The following KPTN variants were observed in gnomAD, a reference collection of about 807,000 sequenced individuals.
KPTN encodes KICSTOR complex protein kaptin.
Under a neutral mutation model 52.6 loss-of-function variants are expected in KPTN, and 36 were observed. The observed-to-expected ratio is 0.68, with a 90% CI of 0.52 to 0.90. KPTN has a LOEUF of 0.90. Among genes scored for constraint, KPTN ranks in the 40% least tolerant of loss-of-function variants. The probability of loss-of-function intolerance (pLI) is 0.00; values close to 1 mark genes in which losing one functional copy is unlikely to be tolerated. For missense variants in KPTN, 529 were observed against 576.2 expected (o/e 0.92, Z 0.84); for synonymous variants, 271 against 248.4 (o/e 1.09, Z -0.85).
chr19:47,483,296 G>A lies in KPTN; in HGVS notation c.393C>T (p.Ala131=). ...TCCTCCCGTCCACGCCTCACTCACG[G>A]GCAATAGAGTCAAGGTTGTACTCAG... is the stretch of plus-strand genomic sequence containing the variant. ...PGSEYNLDSI[A]QSCLNLELQF... is the part of the protein sequence containing the mutation. The change falls in exon 3 of 12, where the codon GCC becomes GCT. Residue 131 remains alanine (A), a splice_region_variant and synonymous_variant. Coordinates refer to ENST00000338134, the MANE Select transcript of KPTN (RefSeq NM_007059.4). 1.2e-6 allele frequency: 2 copies of A among 1,614,006 alleles called. No individual in the cohort carries two copies. The highest frequency in any genetic ancestry group is 1.7e-6 in the Non-Finnish European group (2 of 1,179,962).
intron 7 of KPTN, 81 bp from the exon 8 acceptor site, chr19:47,480,021 C>A: frequency 8.5e-7 from 1 of 1,179,026 alleles, no homozygotes; most frequent in Middle Eastern, 2.7e-4. Context: ...TTTCCGCCCC[C>A]ACCGTTCATC....
At chr19:47,476,157 A>C in intron 11 of KPTN, 1 of 153,600 alleles carries the variant, frequency 6.5e-6, no homozygotes, top group Non-Finnish European at 1.4e-5. Context: ...AAAATACAAA[A>C]ATTAGCTGGG....
At chr19:47,477,377 G>A (rs1967708043) in intron 9 of KPTN, among the ~76,000 whole-genome samples, 1 of 152,154 alleles carries the variant, frequency 6.6e-6, no homozygotes, top group African/African-American at 2.4e-5. Context: ...AAGCCACCAT[G>A]GTGGGAGTAT....
At chr19:47,481,735 A>T (rs1967883851) in intron 4 of KPTN, 1 of 152,250 alleles carries the variant, frequency 6.6e-6, no homozygotes, top group Non-Finnish European at 1.5e-5. Context: ...AGTAGTTGTG[A>T]CAGACTGGCC....
intron 8 of KPTN, among the ~76,000 whole-genome samples, chr19:47,479,459 G>A (rs1419814978): frequency 2.6e-5 from 4 of 152,168 alleles, no homozygotes; most frequent in South Asian, 2.1e-4. Flanking sequence ...GAGCATAGCC[G>A]GGAGCTAGAA....
At chr19:47,481,972 G>A (rs1967892817) in intron 4 of KPTN, among the ~76,000 whole-genome samples, 1 of 152,132 alleles carries the variant, frequency 6.6e-6, no homozygotes, top group African/African-American at 2.4e-5. Flanking sequence ...GGCTTCTATC[G>A]TACTGTAGAA....
chr19:47,480,487 CCCCT>C, intron 6 of KPTN, 80 bp from the exon 7 acceptor site: 3 of 1,049,154 alleles, frequency 2.9e-6, no homozygotes, highest in Non-Finnish European at 4.2e-6. Flanking sequence ...GGGGCAGCCG[CCCCT>C]CCCTGTAGCC....
intron 7 of KPTN, 54 bp from the exon 8 acceptor site, chr19:47,479,994 G>T: frequency 7.5e-7 from 1 of 1,339,500 alleles, no homozygotes; most frequent in Non-Finnish European, 1.0e-6. Context: ...CCCGCCCGCA[G>T]CCCTGAAACC....
chr19:47,484,336 C>T, upstream of KPTN: 2 of 758,318 alleles, frequency 2.6e-6, no homozygotes, highest in Non-Finnish European at 4.1e-6. Flanking sequence ...GCTCGGGCCT[C>T]CCAGGCGACT....
upstream of KPTN, chr19:47,484,455 T>TA (rs1303277437): frequency 2.0e-6 from 1 of 505,082 alleles, no homozygotes; most frequent in African/African-American, 2.0e-5. Flanking sequence ...CCTCTCGCTG[T>TA]ATGCTGTGTG....
Position 47,483,321 on chromosome 19 carries a change from G to C in KPTN, c.368C>G (p.Ser123Cys). The change falls in exon 3 of 12, where the codon TCT (serine) becomes TGT (cysteine). Residue 123 changes from serine to cysteine, a missense_variant. Transcript: ENST00000338134. ...LNIYCDYEPG[S>C]EYNLDSIAQS... ...GGCAATAGAGTCAAGGTTGTACTCA[G>C]AGCCGGGCTCGTAGTCGCAGTAAAT... The C allele has an allele frequency of 2.5e-6, 4 of 1,614,082 alleles. No individual in the cohort carries two copies. Among genetic ancestry groups the C allele is most frequent in the East Asian group, 2.2e-5 (1 of 44,876 alleles).
At chr19:47,478,697 T>C (rs1967762980) in intron 8 of KPTN, among the ~76,000 whole-genome samples, 2 of 151,426 alleles carry the variant, frequency 1.3e-5, no homozygotes, top group Non-Finnish European at 2.9e-5. Context: ...GTGGTATATA[T>C]ACACCATGGA....
chr19:47,475,201 G>C lies in KPTN; in HGVS notation c.*215C>G, dbSNP rs1280468196. On this transcript the variant is annotated 3_prime_UTR_variant, in exon 12 of 12. Transcript: ENST00000338134. ...CCATCAGGTGGCCAATTCTCATCCA[G>C]AGTGGACAGGGTGGAATGGGATCAT... 8.4e-6 allele frequency: 4 copies of C among 474,366 alleles called. No homozygotes were observed. The highest frequency in any genetic ancestry group is 2.0e-5 in the African/African-American group (1 of 51,112). 29.4% of individuals were successfully genotyped at this position (474,366 alleles called of 1,614,324 possible).
At position 47,479,804 on chromosome 19, in the gene KPTN, CAG is replaced by C. The variant is rs764370320; in HGVS notation, c.787+57_787+58del. ...ATCTGGGTAGAAGGACCCAAGAATG[CAG>C]AGTTGCCTCTTCCCTCCCACCCGCT... On this transcript the variant is annotated intron_variant, in intron 8 of 11. Coordinates refer to ENST00000338134, the MANE Select transcript of KPTN (RefSeq NM_007059.4). 537 of 1,406,790 alleles carry C rather than the reference CAG, an allele frequency of 3.8e-4. 1 individual carries two copies. The highest frequency in any genetic ancestry group is 5.1e-4 in the Non-Finnish European group (508 of 1,000,768). 87.1% of individuals were successfully genotyped at this position (1,406,790 alleles called of 1,614,324 possible). A position where few individuals can be genotyped will look rare whatever the true frequency, so the allele number is the denominator to read the frequency against.
Position 47,480,304 on chromosome 19 carries a change from T to A in KPTN, c.703A>T (p.Ser235Cys), listed in dbSNP as rs1319900450. ...GCCTCACCGCGGCCCTCACCTCGAC[T>A]CCGCTGGTCCACGTGGGCGACACGG... ...YVRVAHVDQRSREVLQMWSVL... is the reference protein window; with the variant it reads ...YVRVAHVDQRCREVLQMWSVL... The change falls in exon 7 of 12, where the codon AGT becomes TGT. Residue 235 changes from serine to cysteine, a missense_variant. Physicochemically the swap from Ser to Cys is moderately radical, Grantham distance 112. Coordinates refer to ENST00000338134, the MANE Select transcript of KPTN (RefSeq NM_007059.4). The A allele has an allele frequency of 4.5e-6, 6 of 1,343,374 alleles. No homozygotes were observed. The African/African-American group carries it at 6.5e-5, about 14-fold the overall frequency. The allele number at this position is 1,343,374 out of a possible 1,614,324, so 83.2% of individuals were successfully genotyped here.
intron 4 of KPTN, among the ~76,000 whole-genome samples, chr19:47,482,267 T>A (rs1026383900): frequency 6.6e-6 from 1 of 152,090 alleles, no homozygotes; most frequent in Non-Finnish European, 1.5e-5. Context: ...GGCGGGCGGA[T>A]CACCTGAGGT....
chr19:47,481,061 G>C, intron 4 of KPTN, 28 bp from the exon 5 acceptor site: 2 of 1,540,948 alleles, frequency 1.3e-6, no homozygotes, highest in South Asian at 2.4e-5. Flanking sequence ...TAGAACCCAA[G>C]GTAGTGGAAT....
intron 4 of KPTN, among the ~76,000 whole-genome samples, chr19:47,481,320 G>A (rs1280400435): frequency 6.6e-6 from 1 of 152,138 alleles, no homozygotes; most frequent in Non-Finnish European, 1.5e-5. Flanking sequence ...CTTAGAGCCC[G>A]CATCTACTCC....
Position 47,481,010 on chromosome 19 carries a change from T to G in KPTN, c.473A>C (p.Glu158Ala). Residue 158 changes from glutamate (E) to alanine (A), a missense_variant, in exon 5 of 12, where the codon GAG becomes GCG. By Grantham distance (107) the Glu-to-Ala change is moderately radical (BLOSUM62 -1). Transcript: ENST00000338134. ...GTTCCCACTCAAGAGAAACACAGTC[T>G]CAAGTTGATCCCCGACCTGGACCCT... ...HAEVQVGDQL[E>A]TVFLLSGNDP... 1 of 1,589,748 alleles carries G rather than the reference T, an allele frequency of 6.3e-7. No individual in the cohort carries two copies. Among genetic ancestry groups the G allele is most frequent in the Non-Finnish European group, 8.6e-7 (1 of 1,166,974 alleles).
Sources: gnomAD v4.1 joint callset for allele counts (sites outside exome capture counted in the v4.1 genomes callset) on GRCh38, gnomAD v4.1.1 for gene constraint, MANE v1.5 for transcripts, NCBI Gene and HGNC (gene_info 2026-07-23, HGNC 2026-07-21) for gene names.